Variants in MCC observed in about 807,000 individuals in gnomAD.
The protein encoded by MCC is colorectal mutant cancer protein.
In MCC, 90 loss-of-function variants were observed where a neutral mutation model predicts 116.2. The ratio of observed to expected loss-of-function variants is 0.77; its 90% CI spans 0.65 to 0.92. MCC has a LOEUF of 0.92. Ranked by LOEUF, MCC falls within the 40% of genes least tolerant of loss-of-function variation. The probability of loss-of-function intolerance (pLI) is 0.00; values close to 1 mark genes in which losing one functional copy is unlikely to be tolerated. For synonymous variants in MCC, 578 were observed against 510.5 expected (o/e 1.13, Z -1.78); for missense variants, 1,516 against 1,312.2 (o/e 1.16, Z -2.40).
intron 1 of MCC, among the ~76,000 whole-genome samples, chr5:113,469,721 A>C (rs1234613624): frequency 6.6e-6 from 1 of 152,168 alleles, no homozygotes; most frequent in East Asian, 1.9e-4. Context: ...AGCTGAGTTC[A>C]ATTCCTGGGT....
intron 3 of MCC, among the ~76,000 whole-genome samples, chr5:113,233,581 T>G (rs1027033411): frequency 6.6e-6 from 1 of 152,170 alleles, no homozygotes; most frequent in African/African-American, 2.4e-5. Flanking sequence ...TTCTTTGTGA[T>G]TTATAGTTTT....
At chr5:113,426,288 G>A (rs755871169) in intron 1 of MCC, among the ~76,000 whole-genome samples, 2 of 152,128 alleles carry the variant, frequency 1.3e-5, no homozygotes, top group Non-Finnish European at 2.9e-5. Context: ...AGCAAAACTA[G>A]AAACATGGGA....
chr5:113,205,619 G>A (rs1762882748), intron 3 of MCC, among the ~76,000 whole-genome samples: 2 of 152,248 alleles, frequency 1.3e-5, no homozygotes, highest in Admixed American at 6.5e-5. Flanking sequence ...TTACCAGTCT[G>A]TCCAAAGACT....
intron 7 of MCC, among the ~76,000 whole-genome samples, chr5:113,103,186 A>T (rs939678326): frequency 2.0e-5 from 3 of 152,248 alleles, no homozygotes; most frequent in Non-Finnish European, 4.4e-5. Flanking sequence ...ACTAAAAAAC[A>T]TAAGGGTACA....
In MCC at chr5:113,312,250, C is replaced by A. The variant is rs186281505; in HGVS notation, c.627+28269G>T. On this transcript the variant is annotated intron_variant, in intron 3 of 18. Transcript: ENST00000408903. ...TGAGATCACACCACTGCACTCTAGT[C>A]TGGGCAACAAAGCAGAACTCTGTCT... Among the ~76,000 whole-genome samples the A allele has an allele frequency of 5.4e-3, 814 of 151,934 alleles. 5 individuals are homozygous for A. The highest frequency in any genetic ancestry group is 0.014 in the Middle Eastern group (4 of 294).
chr5:113,050,195 T>A (rs1474581586), intron 15 of MCC, among the ~76,000 whole-genome samples: 3 of 152,200 alleles, frequency 2.0e-5, no homozygotes, highest in African/African-American at 7.2e-5. Context: ...GGGTAAGCTG[T>A]GGAGCCACAG....
At chr5:113,153,452 T>G (rs115515943) in intron 3 of MCC, among the ~76,000 whole-genome samples, 18 of 152,064 alleles carry the variant, frequency 1.2e-4, no homozygotes, top group Non-Finnish European at 1.2e-4. Flanking sequence ...TGGGTCACTA[T>G]CATGGGGGAG....
intron 3 of MCC, among the ~76,000 whole-genome samples, chr5:113,185,973 A>G (rs1229482077): frequency 1.3e-5 from 2 of 152,152 alleles, no homozygotes; most frequent in African/African-American, 4.8e-5. Flanking sequence ...GAGAGCCACC[A>G]AGACCCTGAG....
intron 1 of MCC, among the ~76,000 whole-genome samples, chr5:113,450,924 G>C (rs1185836141): frequency 6.6e-6 from 1 of 152,104 alleles, no homozygotes; most frequent in African/African-American, 2.4e-5. Flanking sequence ...GGCCTTGTAG[G>C]TTGTAATTCA....
chr5:113,348,938 T>C (rs1232075943), intron 2 of MCC, among the ~76,000 whole-genome samples: 3 of 151,964 alleles, frequency 2.0e-5, no homozygotes, highest in Non-Finnish European at 4.4e-5. Context: ...ACTATGCCAA[T>C]AACTTGGAAA....
chr5:113,421,722 A>C (rs1285156370), intron 1 of MCC, among the ~76,000 whole-genome samples: 1 of 152,166 alleles, frequency 6.6e-6, no homozygotes, highest in African/African-American at 2.4e-5. Context: ...CTGCTAAATA[A>C]ACATCCACGG....
intron 3 of MCC, among the ~76,000 whole-genome samples, chr5:113,304,300 A>G (rs950150015): frequency 2.0e-5 from 3 of 152,238 alleles, no homozygotes; most frequent in Non-Finnish European, 4.4e-5. Context: ...ACTGGCTAAG[A>G]AAAGAACTAC....
rs548225229 is a variant in MCC at position 113,279,079 on chromosome 5, T to A, written c.627+61440A>T. ...AGCTGGGGTTTTTGATAGTCAGATG[T>A]GCAATGAAAAGGTTAACTTCTTTTC... On this transcript the variant is annotated intron_variant, in intron 3 of 18. Coordinates refer to ENST00000408903, the MANE Select transcript of MCC (RefSeq NM_001085377.2). 2.6e-5 allele frequency among the ~76,000 whole-genome samples: 4 copies of A among 152,330 alleles called. No individual in the cohort carries two copies. The South Asian group carries it at 6.2e-4, about 24-fold the overall frequency.
chr5:113,216,613 A>G (rs1763327424), intron 3 of MCC, among the ~76,000 whole-genome samples: 1 of 152,230 alleles, frequency 6.6e-6, no homozygotes, highest in Non-Finnish European at 1.5e-5. Flanking sequence ...AGGTATTTTT[A>G]AAATAACTAT....
At chr5:113,194,266 T>C (rs1266657586) in intron 3 of MCC, among the ~76,000 whole-genome samples, 2 of 152,194 alleles carry the variant, frequency 1.3e-5, no homozygotes, top group Admixed American at 6.5e-5. Context: ...CCAGGGCTTG[T>C]ACAATACTTA....
intron 14 of MCC, among the ~76,000 whole-genome samples, chr5:113,063,698 G>T (rs1047758046): frequency 3.3e-5 from 5 of 152,310 alleles, no homozygotes; most frequent in African/African-American, 9.6e-5. Flanking sequence ...AGAGAAAATG[G>T]ATCTGACAGA....
intron 1 of MCC, among the ~76,000 whole-genome samples, chr5:113,459,572 G>A (rs181338278): frequency 2.0e-5 from 3 of 152,132 alleles, no homozygotes; most frequent in East Asian, 3.9e-4. Flanking sequence ...TGTGTTCACA[G>A]AATCTTATTT....
intron 4 of MCC, among the ~76,000 whole-genome samples, chr5:113,150,660 T>G (rs1378310870): frequency 6.6e-6 from 1 of 152,008 alleles, no homozygotes; most frequent in African/African-American, 2.4e-5. Flanking sequence ...TAAAAAAGAT[T>G]TAAAATATTT....
At chr5:113,231,774 A>G (rs1284037369) in intron 3 of MCC, among the ~76,000 whole-genome samples, 1 of 152,202 alleles carries the variant, frequency 6.6e-6, no homozygotes, top group Non-Finnish European at 1.5e-5. Context: ...TTTGAGACAA[A>G]TATCATGGTT....
Sources: gnomAD v4.1 joint callset for allele counts (sites outside exome capture counted in the v4.1 genomes callset) on GRCh38, gnomAD v4.1.1 for gene constraint, MANE v1.5 for transcripts, NCBI Gene and HGNC (gene_info 2026-07-23, HGNC 2026-07-21) for gene names.